TNNI3K: variants seen among roughly 807,000 people sequenced by gnomAD.
TNNI3K encodes TNNI3 interacting kinase.
TNNI3K carries 140 observed loss-of-function variants against 114.5 expected under a neutral mutation model. The observed-to-expected ratio is 1.22, with a 90% CI of 1.07 to 1.41. The LOEUF (loss-of-function observed/expected upper bound fraction) is 1.41, where lower values mean the gene tolerates loss of function less well. Ranked by LOEUF, TNNI3K falls within the 40% of genes most tolerant of loss-of-function variation. The pLI, the probability that TNNI3K is intolerant of heterozygous loss-of-function variation, is 0.00. For synonymous variants in TNNI3K, 347 were observed against 347.5 expected, an observed-to-expected ratio of 1.00 and a Z score of 0.02; for missense variants, 1,125 against 1,007.6, an observed-to-expected ratio of 1.12 and a Z score of -1.58.
chr1:74,426,999 A>G (rs1028846376), intron 17 of TNNI3K, among the ~76,000 whole-genome samples: 1 of 152,148 alleles, frequency 6.6e-6, no homozygotes. Context: ...CTCTTCCTTT[A>G]TAGAATAAGG....
At position 74,544,104 on chromosome 1, in the gene TNNI3K, G is replaced by C. The variant is rs1646760182; in HGVS notation, c.*122G>C. 4 of 1,043,430 alleles carry C rather than the reference G, an allele frequency of 3.8e-6. No individual in the cohort carries two copies. The South Asian group carries it at 7.3e-5, about 19-fold the overall frequency. 64.6% of individuals were successfully genotyped at this position (1,043,430 alleles called of 1,614,324 possible). A position where few individuals can be genotyped will look rare whatever the true frequency, so the allele number is the denominator to read the frequency against. ...TCAAAGGTCTCCTTAAATTGGGCTT[G>C]TTTTTACTTGTCCTATTTAATTCCC... On this transcript the variant is annotated 3_prime_UTR_variant, in exon 25 of 25. Transcript: ENST00000326637.
At position 74,403,559 on chromosome 1, in the gene TNNI3K, A is replaced by G. The variant is rs1317768285; in HGVS notation, c.1773-32521A>G. Among the ~76,000 whole-genome samples, 18 of 152,150 alleles carry G rather than the reference A, an allele frequency of 1.2e-4. 1 individual carries two copies. Among genetic ancestry groups the G allele is most frequent in the Admixed American group, 1.2e-3 (18 of 15,248 alleles). On this transcript the variant is annotated intron_variant, in intron 17 of 24. Transcript: ENST00000326637. ...TGTCTACTATTAACATTAGATTCAA[A>G]CCCATAACAAGTAATCAGAGGGGCA...
chr1:74,444,441 A>T (rs2100679989), intron 20 of TNNI3K, among the ~76,000 whole-genome samples: 1 of 152,308 alleles, frequency 6.6e-6, no homozygotes, highest in South Asian at 2.1e-4. Flanking sequence ...AATTGCTACA[A>T]AGAGAAAAAA....
intron 24 of TNNI3K, among the ~76,000 whole-genome samples, chr1:74,543,062 CCCTTTTTTTTTTTT>C (rs1391383576): frequency 9.6e-6 from 1 of 104,618 alleles, no homozygotes; most frequent in Non-Finnish European, 1.9e-5. Flanking sequence ...TTTTCTTTTT[CCCTTTTTTTTTTTT>C]TTTTTTTTTT....
At chr1:74,401,345 CTTTT>C (rs1244225792) in intron 17 of TNNI3K, among the ~76,000 whole-genome samples, 4 of 151,972 alleles carry the variant, frequency 2.6e-5, no homozygotes, top group African/African-American at 7.3e-5. Context: ...GTTTTTCAAA[CTTTT>C]TATTTATTGG....
At chr1:74,480,966 C>T (rs2100257425) in intron 21 of TNNI3K, 1 of 707,848 alleles carries the variant, frequency 1.4e-6, no homozygotes, top group Non-Finnish European at 2.6e-6. Flanking sequence ...GTCATAGGGG[C>T]TGCTGTGGGG....
At chr1:74,532,479 T>G (rs1646601641) in intron 23 of TNNI3K, among the ~76,000 whole-genome samples, 1 of 152,068 alleles carries the variant, frequency 6.6e-6, no homozygotes, top group Admixed American at 6.5e-5. Context: ...TTCTTTTTAT[T>G]TTATTATTAT....
intron 5 of TNNI3K, among the ~76,000 whole-genome samples, chr1:74,317,036 AAC>A (rs1442587859): frequency 6.6e-6 from 1 of 152,126 alleles, no homozygotes; most frequent in African/African-American, 2.4e-5. Flanking sequence ...ATCATTATAT[AAC>A]ACAGTCTATC....
chr1:74,473,532 A>AT (rs11422312), intron 21 of TNNI3K, among the ~76,000 whole-genome samples: 82,501 of 149,400 alleles, frequency 0.55, 22,861 homozygotes, highest in East Asian at 0.79. Context: ...TTAAAAGGCT[A>AT]TTTTTTTTTT....
chr1:74,335,631 T>C (rs1166588195), intron 6 of TNNI3K, among the ~76,000 whole-genome samples: 1 of 152,142 alleles, frequency 6.6e-6, no homozygotes, highest in Non-Finnish European at 1.5e-5. Flanking sequence ...TGAAGAGATA[T>C]GGGAAGATGG....
At chr1:74,508,699 G>A (rs995840420) in intron 23 of TNNI3K, among the ~76,000 whole-genome samples, 10 of 152,212 alleles carry the variant, frequency 6.6e-5, no homozygotes, top group Admixed American at 1.3e-4. Context: ...CGGGGCATAT[G>A]TCTGGTAGAA....
At chr1:74,404,760 T>A (rs1191994746) in intron 17 of TNNI3K, among the ~76,000 whole-genome samples, 2 of 152,194 alleles carry the variant, frequency 1.3e-5, no homozygotes, top group African/African-American at 4.8e-5. Context: ...GAATCTCCTA[T>A]AATTGTGGCT....
rs56257331 is a variant in TNNI3K, at chr1:74,342,889, C to T, written c.730C>T (p.Arg244Ter). The T allele has an allele frequency of 1.7e-5, 28 of 1,613,658 alleles. No individual in the cohort carries two copies. The highest frequency in any genetic ancestry group is 4.4e-5 in the South Asian group (4 of 91,074). ...EDHVPLHFCS[R>*]FGHHDIVKYL... ...CCATGTCCCACTCCATTTCTGTTCTCGATTTGGACACCATGATATAGTTAA... is the reference window on the plus strand; with the variant it reads ...CCATGTCCCACTCCATTTCTGTTCTTGATTTGGACACCATGATATAGTTAA... The change falls in exon 8 of 25, where the codon CGA (arginine) becomes TGA (stop). Residue 244 changes from arginine to a stop codon, truncating the protein, a stop_gained. Coordinates refer to ENST00000326637, the MANE Select transcript of TNNI3K (RefSeq NM_015978.3). LOFTEE classifies it high-confidence loss of function.
At chr1:74,251,505 A>T (rs954046717) in intron 4 of TNNI3K, among the ~76,000 whole-genome samples, 6 of 152,228 alleles carry the variant, frequency 3.9e-5, no homozygotes. Flanking sequence ...ACTTTACAGA[A>T]AATGCAATTA....
intron 20 of TNNI3K, among the ~76,000 whole-genome samples, chr1:74,452,226 G>C (rs1161985865): frequency 6.6e-6 from 1 of 152,112 alleles, no homozygotes; most frequent in Non-Finnish European, 1.5e-5. Flanking sequence ...TGCAATTAAT[G>C]ATGACTACCA....
At chr1:74,533,427 G>A (rs563157842) in intron 23 of TNNI3K, among the ~76,000 whole-genome samples, 45 of 152,316 alleles carry the variant, frequency 3.0e-4, no homozygotes, top group Admixed American at 9.8e-4. Context: ...TGCTGGAGAG[G>A]ATGTGGAGAA....
At chr1:74,413,737 A>C (rs1664993456) in intron 17 of TNNI3K, among the ~76,000 whole-genome samples, 1 of 152,172 alleles carries the variant, frequency 6.6e-6, no homozygotes, top group Non-Finnish European at 1.5e-5. Flanking sequence ...TTTAGTGTGC[A>C]TCCAAATTAT....
intron 5 of TNNI3K, among the ~76,000 whole-genome samples, chr1:74,321,829 C>A (rs1659623677): frequency 6.6e-6 from 1 of 151,860 alleles, no homozygotes; most frequent in Admixed American, 6.6e-5. Flanking sequence ...TTTTTGTACT[C>A]AAATACTTAA....
intron 5 of TNNI3K, among the ~76,000 whole-genome samples, chr1:74,316,979 G>A (rs1659347502): frequency 6.6e-6 from 1 of 152,032 alleles, no homozygotes; most frequent in African/African-American, 2.4e-5. Context: ...GATTACAGGC[G>A]TAAACCACTG....
Sources: allele counts gnomAD v4.1 joint callset (sites outside exome capture counted in the v4.1 genomes callset), GRCh38; gene constraint gnomAD v4.1.1; transcripts MANE v1.5; gene names NCBI Gene and HGNC (gene_info 2026-07-23, HGNC 2026-07-21).